Variants in CACNB4 observed in about 807,000 individuals in gnomAD.
CACNB4 encodes the protein voltage-dependent L-type calcium channel subunit beta-4.
In CACNB4, 32 loss-of-function variants were observed where a neutral mutation model predicts 71.2. The observed-to-expected ratio is 0.45, with a 90% CI of 0.34 to 0.60. CACNB4 has a LOEUF of 0.60. Among genes scored for constraint, CACNB4 ranks in the 20% least tolerant of loss-of-function variants. The probability of loss-of-function intolerance (pLI) is 0.01; values close to 1 mark genes in which losing one functional copy is unlikely to be tolerated. For missense variants in CACNB4, 464 were observed against 647.9 expected, an observed-to-expected ratio of 0.72 and a Z score of 3.08; for synonymous variants, 231 against 236.9, an observed-to-expected ratio of 0.97 and a Z score of 0.23.
intron 2 of CACNB4, among the ~76,000 whole-genome samples, chr2:151,928,607 C>T (rs1054681860): frequency 2.0e-5 from 3 of 152,122 alleles, no homozygotes; most frequent in Admixed American, 2.0e-4. Flanking sequence ...CTCTGTGCTT[C>T]GTTTGGTAAA....
chr2:151,844,474 G>T (rs2099837025), intron 12 of CACNB4, among the ~76,000 whole-genome samples: 1 of 152,160 alleles, frequency 6.6e-6, no homozygotes, highest in African/African-American at 2.4e-5. Flanking sequence ...GGCCATGAGT[G>T]CCAAGGAAAG....
chr2:152,044,821 G>A (rs529497708), intron 2 of CACNB4, among the ~76,000 whole-genome samples: 2 of 152,244 alleles, frequency 1.3e-5, no homozygotes, highest in East Asian at 3.9e-4. Context: ...CGTGGGTCTC[G>A]TCTCCAATAA....
intron 2 of CACNB4, among the ~76,000 whole-genome samples, chr2:152,028,248 T>C (rs935643252): frequency 2.0e-5 from 3 of 152,176 alleles, no homozygotes; most frequent in African/African-American, 7.2e-5. Context: ...TTGTTCATGA[T>C]TACTGCCATC....
intron 2 of CACNB4, among the ~76,000 whole-genome samples, chr2:152,073,498 T>C (rs1423741784): frequency 2.6e-5 from 4 of 152,144 alleles, no homozygotes; most frequent in Non-Finnish European, 4.4e-5. Flanking sequence ...CCCCAGATTC[T>C]AGTGCCATCC....
chr2:151,931,059 A>C (rs776769737), intron 2 of CACNB4, among the ~76,000 whole-genome samples: 4 of 152,196 alleles, frequency 2.6e-5, no homozygotes, highest in Non-Finnish European at 5.9e-5. Context: ...ACATGCCAGA[A>C]CCATATCTAA....
intron 2 of CACNB4, among the ~76,000 whole-genome samples, chr2:152,061,868 T>C (rs1438663698): frequency 6.6e-6 from 1 of 151,376 alleles, no homozygotes; most frequent in Non-Finnish European, 1.5e-5. Context: ...AAAAATTAGC[T>C]GGGTGTGGTG....
rs139714779 is a variant in CACNB4 at position 151,992,406 on chromosome 2, T to C, written c.147+105924A>G. Among the ~76,000 whole-genome samples the C allele has an allele frequency of 6.9e-3, 1,053 of 152,368 alleles. 10 individuals carry two copies. Among genetic ancestry groups the C allele is most frequent in the Middle Eastern group, 0.014 (4 of 294 alleles). On this transcript the variant is annotated intron_variant, in intron 2 of 13. Transcript: ENST00000539935. ...TAATAAACAGTGCACATTTACTCCC[T>C]GTATTATTAGTTTATCTTACAAGAA...
chr2:151,979,717 C>T (rs964744273), intron 2 of CACNB4, among the ~76,000 whole-genome samples: 13 of 152,188 alleles, frequency 8.5e-5, no homozygotes, highest in African/African-American at 3.1e-4. Context: ...GAAATGATGG[C>T]ATCTCCCTGG....
At position 151,879,144 on chromosome 2, in the gene CACNB4, G is replaced by A. The variant is rs116187391; in HGVS notation, c.390+1656C>T. 9.9e-3 allele frequency among the ~76,000 whole-genome samples: 1,508 copies of A among 152,300 alleles called. 26 individuals are homozygous for A. Among genetic ancestry groups the A allele is most frequent in the African/African-American group, 0.033 (1,372 of 41,560 alleles). On this transcript the variant is annotated intron_variant, in intron 4 of 13. Coordinates refer to ENST00000539935, the MANE Select transcript of CACNB4 (RefSeq NM_000726.5). ...CTGTGTTGAGGACAAAACAGACCAT[G>A]AGTCATAGTTTCCTAGGGCTTAAGT...
At chr2:151,914,556 C>A (rs994607135) in intron 2 of CACNB4, among the ~76,000 whole-genome samples, 1 of 152,114 alleles carries the variant, frequency 6.6e-6, no homozygotes, top group African/African-American at 2.4e-5. Context: ...GGCACTCTTG[C>A]CTTTTGGGTT....
At chr2:151,965,913 A>G (rs2099870973) in intron 2 of CACNB4, among the ~76,000 whole-genome samples, 1 of 152,224 alleles carries the variant, frequency 6.6e-6, no homozygotes, top group African/African-American at 2.4e-5. Context: ...CTACTCAAAG[A>G]TATGTACCAC....
At chr2:151,856,014 G>C (rs913841001) in intron 10 of CACNB4, among the ~76,000 whole-genome samples, 47 of 151,674 alleles carry the variant, frequency 3.1e-4, no homozygotes, top group African/African-American at 1.1e-3. Flanking sequence ...AAAAAAGTAA[G>C]GCCAATTATA....
chr2:151,915,168 T>A (rs2099857142), intron 2 of CACNB4, among the ~76,000 whole-genome samples: 1 of 152,132 alleles, frequency 6.6e-6, no homozygotes. Context: ...TCCCTAAGCC[T>A]CTGGCTGAAG....
chr2:152,062,024 A>ATAATAATAATAC (rs1278793844), intron 2 of CACNB4, among the ~76,000 whole-genome samples: 2 of 135,442 alleles, frequency 1.5e-5, no homozygotes, highest in East Asian at 2.0e-4. Flanking sequence ...AATAATAATA[A>ATAATAATAATAC]TAATAATAAT....
At chr2:151,841,851 T>G in intron 13 of CACNB4, 52 bp downstream of exon 13, 2 of 1,524,286 alleles carry the variant, frequency 1.3e-6, no homozygotes, top group Non-Finnish European at 9.1e-7. Context: ...CAAGTTCCCA[T>G]AGAATTTTAC....
chr2:151,954,850 C>CT (rs34054917), intron 2 of CACNB4, among the ~76,000 whole-genome samples: 35,016 of 92,952 alleles, frequency 0.38, 9,275 homozygotes, highest in East Asian at 0.67. Context: ...CAAGTCAGCA[C>CT]TTTTTTTTTT....
At chr2:151,959,435 T>G (rs2099869094) in intron 2 of CACNB4, among the ~76,000 whole-genome samples, 1 of 152,180 alleles carries the variant, frequency 6.6e-6, no homozygotes, top group Non-Finnish European at 1.5e-5. Context: ...CAAGACATCT[T>G]ACAAAACTAG....
At chr2:152,066,778 ATG>A (rs1686354721) in intron 2 of CACNB4, among the ~76,000 whole-genome samples, 2 of 135,824 alleles carry the variant, frequency 1.5e-5, no homozygotes, top group Admixed American at 1.6e-4. Flanking sequence ...GATTAAGAAA[ATG>A]TGGCACATAT....
At chr2:151,924,229 C>T (rs568611149) in intron 2 of CACNB4, among the ~76,000 whole-genome samples, 1 of 151,736 alleles carries the variant, frequency 6.6e-6, no homozygotes, top group South Asian at 2.1e-4. Flanking sequence ...CAGGCGCCCA[C>T]TACCACTCCC....
Sources: gnomAD v4.1 joint callset for allele counts (sites outside exome capture counted in the v4.1 genomes callset) on GRCh38, gnomAD v4.1.1 for gene constraint, MANE v1.5 for transcripts, NCBI Gene and HGNC (gene_info 2026-07-23, HGNC 2026-07-21) for gene names.